The following TMEM132D variants were observed in gnomAD, a reference collection of about 807,000 sequenced individuals.
TMEM132D encodes the protein mature OL transmembrane protein.
TMEM132D carries 21 observed loss-of-function variants against 62.3 expected under a neutral mutation model. The ratio of observed to expected loss-of-function variants is 0.34; its 90% CI spans 0.24 to 0.49. TMEM132D has a LOEUF of 0.49. Among genes scored for constraint, TMEM132D ranks in the 20% least tolerant of loss-of-function variants. The pLI is 0.99. For synonymous variants in TMEM132D, 621 were observed against 575.6 expected (o/e 1.08, Z -1.13); for missense variants, 1,346 against 1,402.8 (o/e 0.96, Z 0.65).
chr12:129,668,668 T>G (rs7295123), intron 2 of TMEM132D, among the ~76,000 whole-genome samples: 35,880 of 152,134 alleles, frequency 0.24, 4,598 homozygotes, highest in African/African-American at 0.32. Flanking sequence ...TTGAAGCATA[T>G]TTGTTCCTCT....
At chr12:129,360,704 G>A (rs745607532) in intron 3 of TMEM132D, among the ~76,000 whole-genome samples, 2 of 152,186 alleles carry the variant, frequency 1.3e-5, no homozygotes, top group Non-Finnish European at 2.9e-5. Flanking sequence ...TCAGTCCATG[G>A]AAGGGTGAAG....
chr12:129,634,629 T>C (rs1353706978), intron 2 of TMEM132D, among the ~76,000 whole-genome samples: 3 of 152,182 alleles, frequency 2.0e-5, no homozygotes, highest in Non-Finnish European at 2.9e-5. Context: ...AAATTATTCA[T>C]GTGATCAATC....
chr12:129,544,013 G>A (rs1876664401), intron 2 of TMEM132D, among the ~76,000 whole-genome samples: 1 of 152,176 alleles, frequency 6.6e-6, no homozygotes, highest in African/African-American at 2.4e-5. Flanking sequence ...AAAAGGAATT[G>A]CCAAGTCAAA....
At chr12:129,684,030 A>G (rs970370442) in intron 2 of TMEM132D, among the ~76,000 whole-genome samples, 1 of 152,220 alleles carries the variant, frequency 6.6e-6, no homozygotes, top group Non-Finnish European at 1.5e-5. Context: ...GCGAACGTCA[A>G]TGACTGGATG....
chr12:129,376,779 G>A (rs996322075), intron 3 of TMEM132D, among the ~76,000 whole-genome samples: 1 of 152,212 alleles, frequency 6.6e-6, no homozygotes, highest in Non-Finnish European at 1.5e-5. Flanking sequence ...CTTGCTGGGT[G>A]TGCAAACGTA....
At chr12:129,343,361 G>T (rs1203246168) in intron 3 of TMEM132D, among the ~76,000 whole-genome samples, 2 of 151,648 alleles carry the variant, frequency 1.3e-5, no homozygotes, top group South Asian at 2.1e-4. Context: ...TCACTCATAG[G>T]TGGGAACTGA....
intron 4 of TMEM132D, among the ~76,000 whole-genome samples, chr12:129,300,693 G>T (rs1566026189): frequency 6.6e-6 from 1 of 152,122 alleles, no homozygotes; most frequent in African/African-American, 2.4e-5. Flanking sequence ...CATTTCTAAA[G>T]ACTTGCTTTG....
intron 5 of TMEM132D, chr12:129,084,980 C>T (rs1371761072): frequency 3.8e-6 from 2 of 525,746 alleles, no homozygotes; most frequent in African/African-American, 3.9e-5. Context: ...GCGTGTGTTG[C>T]CGACAGCTCC....
intron 4 of TMEM132D, among the ~76,000 whole-genome samples, chr12:129,300,247 G>A (rs111610469): frequency 0.024 from 3,634 of 152,288 alleles, 158 homozygotes; most frequent in African/African-American, 0.08. Flanking sequence ...ACTCAGAGAA[G>A]TGATTAACCT....
intron 3 of TMEM132D, among the ~76,000 whole-genome samples, chr12:129,527,674 G>A (rs923369286): frequency 6.6e-6 from 1 of 152,208 alleles, no homozygotes; most frequent in African/African-American, 2.4e-5. Flanking sequence ...ATGAGAACAT[G>A]TGGCTTTTGT....
chr12:129,402,471 C>T (rs561717195), intron 3 of TMEM132D, among the ~76,000 whole-genome samples: 4 of 152,276 alleles, frequency 2.6e-5, no homozygotes, highest in East Asian at 1.9e-4. Context: ...GCACTGTACA[C>T]GGGTCTGTGA....
At chr12:129,109,290 C>T (rs187994537) in intron 5 of TMEM132D, among the ~76,000 whole-genome samples, 70 of 152,322 alleles carry the variant, frequency 4.6e-4, no homozygotes, top group African/African-American at 1.6e-3. Context: ...AGCTCCTTCA[C>T]TCTCTGGCTG....
At chr12:129,802,567 C>T (rs535781799) in intron 1 of TMEM132D, among the ~76,000 whole-genome samples, 3 of 101,146 alleles carry the variant, frequency 3.0e-5, no homozygotes. Context: ...ACAACCGGTA[C>T]CAGCCGCTGC....
At chr12:129,173,052 A>G (rs926368269) in intron 5 of TMEM132D, among the ~76,000 whole-genome samples, 20 of 152,188 alleles carry the variant, frequency 1.3e-4, no homozygotes, top group Non-Finnish European at 1.8e-4. Context: ...AACAGCAAAG[A>G]TCACTGATTG....
intron 3 of TMEM132D, among the ~76,000 whole-genome samples, chr12:129,338,632 AATGAACAGAGGAATCCGCTGAG>A (rs1265429209): frequency 7.9e-5 from 12 of 152,142 alleles, no homozygotes; most frequent in African/African-American, 2.9e-4. Flanking sequence ...TGTAGCTGAG[AATGAACAGAGGAATCCGCTGAG>A]AGAGGTACTT....
At chr12:129,312,622 T>C (rs1439222898) in intron 4 of TMEM132D, among the ~76,000 whole-genome samples, 3 of 152,212 alleles carry the variant, frequency 2.0e-5, no homozygotes, top group African/African-American at 7.2e-5. Flanking sequence ...CAGGCTGGAG[T>C]GCAGTGGCAC....
chr12:129,078,443 T>C, intron 8 of TMEM132D, 91 bp downstream of exon 8: 3 of 1,332,610 alleles, frequency 2.3e-6, no homozygotes, highest in African/African-American at 2.9e-5. Flanking sequence ...TCCCACTCTA[T>C]TGTGCGACCC....
At chr12:129,624,033 C>T (rs998597431) in intron 2 of TMEM132D, among the ~76,000 whole-genome samples, 1 of 152,138 alleles carries the variant, frequency 6.6e-6, no homozygotes, top group African/African-American at 2.4e-5. Context: ...TAGGCCATTC[C>T]TAAATCAAAT....
intron 5 of TMEM132D, among the ~76,000 whole-genome samples, chr12:129,192,058 A>T (rs2135556901): frequency 6.6e-6 from 1 of 152,346 alleles, no homozygotes; most frequent in Admixed American, 6.5e-5. Flanking sequence ...TGTAGAAAAC[A>T]AATTCACATC....
Sources: gnomAD v4.1 joint callset for allele counts (sites outside exome capture counted in the v4.1 genomes callset) on GRCh38, gnomAD v4.1.1 for gene constraint, MANE v1.5 for transcripts, NCBI Gene and HGNC (gene_info 2026-07-23, HGNC 2026-07-21) for gene names.